PLA2G6: variants seen among roughly 807,000 people sequenced by gnomAD.
PLA2G6 encodes the protein 85/88 kDa calcium-independent phospholipase A2.
A neutral mutation model predicts 83.8 loss-of-function variants in PLA2G6; 62 were observed. The observed-to-expected ratio is 0.74, with a 90% CI of 0.60 to 0.91. PLA2G6 has a LOEUF of 0.91. Among genes scored for constraint, PLA2G6 ranks in the 40% least tolerant of loss-of-function variants. PLA2G6 has a pLI of 0.00. For synonymous variants in PLA2G6, 417 were observed against 449.8 expected (o/e 0.93, Z 0.92); for missense variants, 944 against 1,102.0 (o/e 0.86, Z 2.03).
chr22:38,181,700 G>A lies in PLA2G6; in HGVS notation c.-82C>T, dbSNP rs2090855109. 1.3e-5 allele frequency: 2 copies of A among 152,258 alleles called. No individual in the cohort carries two copies. 9.4% of individuals were successfully genotyped at this position (152,258 alleles called of 1,614,324 possible). On this transcript the variant is annotated 5_prime_UTR_variant, in exon 1 of 17. Transcript: ENST00000332509. ...AGACACGAGGAATATCCAAAGGAGGGTCCGGCGGAGACTTGGGAGTCCGGA... is the reference window on the plus strand; with the variant it reads ...AGACACGAGGAATATCCAAAGGAGGATCCGGCGGAGACTTGGGAGTCCGGA...
intron 2 of PLA2G6, among the ~76,000 whole-genome samples, chr22:38,165,575 TAAGAA>T (rs1489161132): frequency 2.0e-5 from 3 of 152,236 alleles, no homozygotes; most frequent in Non-Finnish European, 4.4e-5. Context: ...CCTGATGTGT[TAAGAA>T]AACAGGAAGC....
Position 38,128,026 on chromosome 22 carries a change from T to C in PLA2G6, c.1348+243A>G. On this transcript the variant is annotated intron_variant, in intron 9 of 16. Transcript: ENST00000332509. The surrounding 1 kb of genome is among the most constrained non-coding windows in gnomAD (Gnocchi z 4.4). ...GGGTGCCACTGGAAATGCCCAGGCC[T>C]GAGACTGTGTGCAGGACACATCCTC... is the stretch of plus-strand genomic sequence containing the variant. 1 of 556,640 alleles carries C rather than the reference T, an allele frequency of 1.8e-6. No homozygotes were observed. The highest frequency in any genetic ancestry group is 2.2e-5 in the South Asian group (1 of 46,452). The allele number at this position is 556,640 out of a possible 1,614,324, so 34.5% of individuals were successfully genotyped here. A position where few individuals can be genotyped will look rare whatever the true frequency, so the allele number is the denominator to read the frequency against.
chr22:38,117,869 C>G (rs2087298082), intron 12 of PLA2G6, among the ~76,000 whole-genome samples: 1 of 151,848 alleles, frequency 6.6e-6, no homozygotes, highest in African/African-American at 2.4e-5. Context: ...AACCCTGTCT[C>G]TACTAAAATA....
intron 9 of PLA2G6, chr22:38,127,542 C>T: frequency 2.2e-6 from 2 of 892,732 alleles, no homozygotes; most frequent in Non-Finnish European, 3.3e-6. Context: ...CTAGAAGCCA[C>T]AGTCACGGTG....
rs144878486 is a variant in PLA2G6, at chr22:38,119,662, C to T, written c.1742+1097G>A. On this transcript the variant is annotated intron_variant, in intron 12 of 16. Transcript: ENST00000332509. ...ACAACATGGTGAAACCCCATCTCTACAAAAAATACATGTGTTGGCACATGC... is the reference window on the plus strand; with the variant it reads ...ACAACATGGTGAAACCCCATCTCTATAAAAAATACATGTGTTGGCACATGC... 2.6e-3 allele frequency among the ~76,000 whole-genome samples: 398 copies of T among 152,058 alleles called. 2 individuals carry two copies. Among genetic ancestry groups the T allele is most frequent in the African/African-American group, 8.9e-3 (371 of 41,480 alleles).
At chr22:38,178,058 C>T (rs750179704) in intron 1 of PLA2G6, among the ~76,000 whole-genome samples, 21 of 152,260 alleles carry the variant, frequency 1.4e-4, no homozygotes, top group Middle Eastern at 3.4e-3. Context: ...AAGGAAAAAG[C>T]ATCTCTTTCA....
At chr22:38,113,834 G>C (rs558482680) in intron 14 of PLA2G6, 180 bp from the exon 15 acceptor site, 20 of 703,202 alleles carry the variant, frequency 2.8e-5, no homozygotes, top group Non-Finnish European at 4.7e-5. Flanking sequence ...CGTGACCCCA[G>C]AACGGCTGGT....
At chr22:38,130,873 TGA>T (rs1268340091) in intron 7 of PLA2G6, 7 of 151,844 alleles carry the variant, frequency 4.6e-5, no homozygotes, top group African/African-American at 4.8e-5. Context: ...TGGTGGCGCA[TGA>T]ACGTAATCCC....
At chr22:38,161,366 T>C (rs1405966954) in intron 2 of PLA2G6, among the ~76,000 whole-genome samples, 1 of 152,146 alleles carries the variant, frequency 6.6e-6, no homozygotes, top group East Asian at 1.9e-4. Context: ...AGATCATCTC[T>C]TTCTTGCCTC....
intron 2 of PLA2G6, among the ~76,000 whole-genome samples, chr22:38,160,574 C>CGGTGG (rs1358455617): frequency 6.6e-6 from 1 of 152,134 alleles, no homozygotes; most frequent in Non-Finnish European, 1.5e-5. Context: ...TGGCCGGGGG[C>CGGTGG]GGTGGCTCAC....
Position 38,175,772 on chromosome 22 carries a change from A to T in PLA2G6, c.-46+5892T>A, listed in dbSNP as rs554392020. On this transcript the variant is annotated intron_variant, in intron 1 of 16. Transcript: ENST00000332509. Reference sequence around the variant, plus strand: ...CCCACAGGAACACACACCATGTGAGAATGGGGGTGCATCTGTTGGCTTGGG... The same window carrying T: ...CCCACAGGAACACACACCATGTGAGTATGGGGGTGCATCTGTTGGCTTGGG... Among the ~76,000 whole-genome samples, 19 of 152,272 alleles carry T rather than the reference A, an allele frequency of 1.2e-4. No individual in the cohort carries two copies. In the South Asian group the frequency reaches 3.7e-3, roughly 30 times the overall value.
In PLA2G6 at chr22:38,169,442, T is replaced by A. The variant is rs1393338158; in HGVS notation, c.-16A>T. ...AGAACTGCATCTTCTGCGGGGCAGG[T>A]GGGGAGGCCCCACCGTCTTCCCCCT... On this transcript the variant is annotated 5_prime_UTR_variant, in exon 2 of 17. Coordinates refer to ENST00000332509, the MANE Select transcript of PLA2G6 (RefSeq NM_003560.4). 2 of 1,610,544 alleles carry A rather than the reference T, an allele frequency of 1.2e-6. No individual in the cohort carries two copies. Among genetic ancestry groups the A allele is most frequent in the South Asian group, 1.1e-5 (1 of 90,872 alleles).
rs374123841 is a variant in PLA2G6 at position 38,169,201 on chromosome 22, C to T, written c.209+17G>A. On this transcript the variant is annotated intron_variant, in intron 2 of 16. Transcript: ENST00000332509. Reference sequence around the variant, plus strand: ...GAGTGAAAGGAGAGAAGTATGTTCCCGCTGAGCATCACCCACCGGAATCCA... The same window carrying T: ...GAGTGAAAGGAGAGAAGTATGTTCCTGCTGAGCATCACCCACCGGAATCCA... 272 of 1,596,342 alleles carry T rather than the reference C, an allele frequency of 1.7e-4. No homozygotes were observed. The highest frequency in any genetic ancestry group is 1.7e-4 in the Middle Eastern group (1 of 6,040).
At chr22:38,135,160 C>G (rs2088476116) in intron 5 of PLA2G6, 76 bp from the exon 6 acceptor site, 5 of 933,188 alleles carry the variant, frequency 5.4e-6, no homozygotes, top group Admixed American at 3.5e-5. Flanking sequence ...GGACTTGGAG[C>G]TTCATCTACT....
chr22:38,152,553 C>T (rs184136762), intron 2 of PLA2G6, among the ~76,000 whole-genome samples: 2 of 151,164 alleles, frequency 1.3e-5, no homozygotes, highest in African/African-American at 2.4e-5. Context: ...ATTTTCTCTT[C>T]CTCACTTCCT....
At chr22:38,126,346 C>A in intron 10 of PLA2G6, 25 bp downstream of exon 10, 1 of 1,587,016 alleles carries the variant, frequency 6.3e-7, no homozygotes, top group South Asian at 1.1e-5. Context: ...GTTCCCCGCT[C>A]TGCCCCCGAT....
chr22:38,128,437 A>G lies in PLA2G6; in HGVS notation c.1187-7T>C, dbSNP rs1239642973. 1 of 1,613,914 alleles carries G rather than the reference A, an allele frequency of 6.2e-7. No individual in the cohort carries two copies. Among genetic ancestry groups the G allele is most frequent in the South Asian group, 1.1e-5 (1 of 91,076 alleles). On this transcript the variant is annotated splice_region_variant and splice_polypyrimidine_tract_variant and intron_variant, in intron 8 of 16. Coordinates refer to ENST00000332509, the MANE Select transcript of PLA2G6 (RefSeq NM_003560.4). The surrounding 1 kb of genome is among the most constrained non-coding windows in gnomAD (Gnocchi z 4.4). ...ATCGCCTTCCTGGTGACAACTTGTC[A>G]TGGTTTGGGGAAGGGGAGATGGCAC... is the stretch of plus-strand genomic sequence containing the variant.
In PLA2G6 at chr22:38,113,604, T is replaced by C; in HGVS notation, c.2085A>G (p.Thr695=). 1 of 1,613,494 alleles carries C rather than the reference T, an allele frequency of 6.2e-7. No individual in the cohort carries two copies. Among genetic ancestry groups the C allele is most frequent in the Non-Finnish European group, 8.5e-7 (1 of 1,179,526 alleles). The change falls in exon 15 of 17, where the codon ACA becomes ACG. Residue 695 remains threonine (T), a synonymous_variant. Coordinates refer to ENST00000332509, the MANE Select transcript of PLA2G6 (RefSeq NM_003560.4). ...TCACAGGCACTTGTGGGGACCTCCC[T>C]GTCCCCAGGGAGACAACGATGGAGA... ...KKLSIVVSLG[T]GRSPQVPVTC...
intron 12 of PLA2G6, among the ~76,000 whole-genome samples, chr22:38,119,746 G>A (rs1265527407): frequency 1.3e-5 from 2 of 152,034 alleles, no homozygotes; most frequent in African/African-American, 2.4e-5. Context: ...CCAGGAGGTC[G>A]AGGCTGCAGT....
Sources: gnomAD v4.1 joint callset for allele counts (sites outside exome capture counted in the v4.1 genomes callset) on GRCh38, gnomAD v4.1.1 for gene constraint, Gnocchi (gnomAD v3.1) non-coding constraint, MANE v1.5 for transcripts, NCBI Gene and HGNC (gene_info 2026-07-23, HGNC 2026-07-21) for gene names.